The following ATAD1 variants were observed in gnomAD, a reference collection of about 807,000 sequenced individuals.
The protein encoded by ATAD1 is outer mitochondrial transmembrane helix translocase.
A neutral mutation model predicts 42.7 loss-of-function variants in ATAD1; 18 were observed. The observed-to-expected ratio is 0.42, with a 90% CI of 0.29 to 0.63. The LOEUF (loss-of-function observed/expected upper bound fraction) is 0.63. Among genes scored for constraint, ATAD1 ranks in the 20% least tolerant of loss-of-function variants. ATAD1 has a pLI of 0.19. For synonymous variants in ATAD1, 132 were observed against 143.1 expected (o/e 0.92, Z 0.55); for missense variants, 294 against 440.4 (o/e 0.67, Z 2.98).
At chr10:87,814,797 A>T (rs11202571) in intron 1 of ATAD1, 185 bp from the exon 2 acceptor site, 114,432 of 374,278 alleles carry the variant, frequency 0.31, 18,250 homozygotes, top group African/African-American at 0.36. Flanking sequence ...AAACAAATAC[A>T]TTTAAAGCTC....
At chr10:87,758,328 A>G (rs1854321561) in intron 8 of ATAD1, among the ~76,000 whole-genome samples, 1 of 152,176 alleles carries the variant, frequency 6.6e-6, no homozygotes, top group African/African-American at 2.4e-5. Flanking sequence ...GTAATTTCCA[A>G]ACCAATAGAG....
intron 1 of ATAD1, among the ~76,000 whole-genome samples, chr10:87,825,308 CTTTT>C (rs1267573215): frequency 1.5e-5 from 2 of 132,930 alleles, no homozygotes; most frequent in African/African-American, 2.8e-5. Flanking sequence ...AAATCTTAAC[CTTTT>C]TTTTTTTTTT....
intron 5 of ATAD1, among the ~76,000 whole-genome samples, chr10:87,778,195 A>AAC (rs1204870536): frequency 5.3e-5 from 8 of 150,502 alleles, no homozygotes; most frequent in Non-Finnish European, 1.2e-4. Flanking sequence ...AAAAAAAAAA[A>AAC]AAAAACTCAA....
chr10:87,827,980 C>T (rs531424793), intron 1 of ATAD1, among the ~76,000 whole-genome samples: 25 of 152,206 alleles, frequency 1.6e-4, no homozygotes, highest in African/African-American at 5.8e-4. Context: ...TTTTAAGAGA[C>T]GGGGTCTTAC....
At chr10:87,802,287 C>T (rs1221591555) in intron 2 of ATAD1, among the ~76,000 whole-genome samples, 2 of 139,828 alleles carry the variant, frequency 1.4e-5, no homozygotes, top group Non-Finnish European at 3.2e-5. Context: ...ACTGGCTTCA[C>T]ACCTTATCTA....
intron 4 of ATAD1, among the ~76,000 whole-genome samples, chr10:87,787,720 C>T (rs1855905235): frequency 6.6e-6 from 1 of 152,080 alleles, no homozygotes; most frequent in South Asian, 2.1e-4. Flanking sequence ...CTTTTTTGGA[C>T]AACTGTTTAT....
intron 5 of ATAD1, among the ~76,000 whole-genome samples, chr10:87,778,910 AT>A (rs1855441295): frequency 6.6e-6 from 1 of 152,244 alleles, no homozygotes; most frequent in African/African-American, 2.4e-5. Flanking sequence ...ACACAAAACT[AT>A]AAAACTTCTA....
intron 5 of ATAD1, among the ~76,000 whole-genome samples, chr10:87,782,714 A>G (rs1855625215): frequency 1.3e-5 from 2 of 152,190 alleles, no homozygotes; most frequent in South Asian, 4.1e-4. Flanking sequence ...AAAATAATAT[A>G]GCAGAAGTAA....
rs1374024616 is a variant in ATAD1, at chr10:87,752,302, T to G, written c.*2385A>C. 6.6e-6 allele frequency: 1 copy of G among 152,078 alleles called. No homozygotes were observed. Among genetic ancestry groups the G allele is most frequent in the Non-Finnish European group, 1.5e-5 (1 of 68,008 alleles). The allele number at this position is 152,078 out of a possible 1,614,324, so 9.4% of individuals were successfully genotyped here. On this transcript the variant is annotated 3_prime_UTR_variant, in exon 10 of 10. Coordinates refer to ENST00000680024, the MANE Select transcript of ATAD1 (RefSeq NM_001321967.2). Reference sequence around the variant, plus strand: ...ATCCTTTCAGTCTCAATCCCTGGAGTACAGGCCTAGGGATTATGGAACTGG... The same window carrying G: ...ATCCTTTCAGTCTCAATCCCTGGAGGACAGGCCTAGGGATTATGGAACTGG...
intron 1 of ATAD1, among the ~76,000 whole-genome samples, chr10:87,837,863 T>A (rs923155547): frequency 6.6e-6 from 1 of 152,172 alleles, no homozygotes; most frequent in African/African-American, 2.4e-5. Context: ...TTGCAGTCAT[T>A]ACCACTGCTT....
At chr10:87,824,237 G>A (rs1217618637) in intron 1 of ATAD1, among the ~76,000 whole-genome samples, 1 of 152,134 alleles carries the variant, frequency 6.6e-6, no homozygotes, top group Non-Finnish European at 1.5e-5. Flanking sequence ...AAAAAGGGAA[G>A]GGGGGAGGAA....
intron 2 of ATAD1, among the ~76,000 whole-genome samples, chr10:87,797,337 A>C (rs116142291): frequency 0.015 from 2,224 of 152,298 alleles, 57 homozygotes; most frequent in African/African-American, 0.051. Flanking sequence ...AAAAAAACAA[A>C]AACAAAAATC....
intron 8 of ATAD1, 73 bp from the exon 9 acceptor site, chr10:87,756,995 C>T: frequency 7.8e-7 from 1 of 1,275,134 alleles, no homozygotes; most frequent in Non-Finnish European, 1.0e-6. Flanking sequence ...AAACACCCAT[C>T]TTAAAGAAAG....
chr10:87,821,113 T>C (rs1460704436), upstream of ATAD1, among the ~76,000 whole-genome samples: 1 of 152,198 alleles, frequency 6.6e-6, no homozygotes, highest in Non-Finnish European at 1.5e-5. Context: ...AAAATAGTTA[T>C]GGCAGTTCTC....
intron 5 of ATAD1, among the ~76,000 whole-genome samples, chr10:87,782,797 G>A (rs943647115): frequency 3.3e-5 from 5 of 152,016 alleles, no homozygotes; most frequent in Non-Finnish European, 5.9e-5. Context: ...AGGAGTTGGG[G>A]ACCAACCTAG....
chr10:87,767,590 GAT>G, intron 8 of ATAD1, 81 bp downstream of exon 8: 1 of 1,287,778 alleles, frequency 7.8e-7, no homozygotes, highest in Non-Finnish European at 1.1e-6. Context: ...ATCATTCTCA[GAT>G]TCCTTCCTCA....
chr10:87,767,193 C>A (rs1416390984), intron 8 of ATAD1, among the ~76,000 whole-genome samples: 1 of 152,060 alleles, frequency 6.6e-6, no homozygotes, highest in African/African-American at 2.4e-5. Context: ...CTCACATATA[C>A]CATAGTTACT....
At chr10:87,761,089 A>G (rs1041556456) in intron 8 of ATAD1, among the ~76,000 whole-genome samples, 2 of 152,138 alleles carry the variant, frequency 1.3e-5, no homozygotes, top group Non-Finnish European at 2.9e-5. Context: ...AAAAACAACA[A>G]AAAACCCTTA....
intron 7 of ATAD1, among the ~76,000 whole-genome samples, chr10:87,769,178 T>G (rs1033315623): frequency 6.6e-6 from 1 of 152,212 alleles, no homozygotes; most frequent in African/African-American, 2.4e-5. Context: ...GGTAAACAAA[T>G]TTTTAAAAAA....
Sources: allele counts gnomAD v4.1 joint callset (sites outside exome capture counted in the v4.1 genomes callset), GRCh38; gene constraint gnomAD v4.1.1; transcripts MANE v1.5; gene names NCBI Gene and HGNC (gene_info 2026-07-23, HGNC 2026-07-21).